HNF4G: variants seen among roughly 807,000 people sequenced by gnomAD.
HNF4G encodes the protein hepatocyte nuclear factor 4-gamma.
Under a neutral mutation model 50.9 loss-of-function variants are expected in HNF4G, and 21 were observed. The ratio of observed to expected loss-of-function variants is 0.41; its 90% CI spans 0.29 to 0.59. HNF4G has a LOEUF of 0.59. Ranked by LOEUF, HNF4G falls within the 20% of genes least tolerant of loss-of-function variation. The pLI, the probability that HNF4G is intolerant of heterozygous loss-of-function variation, is 0.26. For missense variants in HNF4G, 527 were observed against 559.4 expected (o/e 0.94, Z 0.58); for synonymous variants, 198 against 185.6 (o/e 1.07, Z -0.54).
intron 1 of HNF4G, among the ~76,000 whole-genome samples, chr8:75,427,416 A>G (rs1283037109): frequency 6.6e-6 from 1 of 152,016 alleles, no homozygotes; most frequent in Admixed American, 6.6e-5. Flanking sequence ...AGTCTCTACT[A>G]AAAATACAAA....
At chr8:75,418,927 A>C (rs1052782115) in intron 1 of HNF4G, among the ~76,000 whole-genome samples, 1 of 151,588 alleles carries the variant, frequency 6.6e-6, no homozygotes, top group Non-Finnish European at 1.5e-5. Context: ...GGTTTTCTCC[A>C]TGTTGGCCAC....
chr8:75,531,201 A>C (rs1264987592), intron 2 of HNF4G, among the ~76,000 whole-genome samples: 1 of 152,216 alleles, frequency 6.6e-6, no homozygotes, highest in Non-Finnish European at 1.5e-5. Flanking sequence ...GTAGTAAAGG[A>C]ATAAAGAAAA....
At chr8:75,443,064 T>C (rs1330311507) in intron 1 of HNF4G, among the ~76,000 whole-genome samples, 3 of 152,170 alleles carry the variant, frequency 2.0e-5, no homozygotes. Context: ...CTGAGGGCTC[T>C]GCCTTCGAGA....
At chr8:75,544,056 T>C in intron 2 of HNF4G, 77 bp downstream of exon 2, 1 of 1,312,790 alleles carries the variant, frequency 7.6e-7, no homozygotes, top group South Asian at 1.5e-5. Flanking sequence ...GAGAAGAAAA[T>C]TCAGAGTTTT....
intron 2 of HNF4G, among the ~76,000 whole-genome samples, chr8:75,492,784 A>G (rs913191627): frequency 9.9e-5 from 15 of 152,242 alleles, no homozygotes; most frequent in Admixed American, 3.3e-4. Flanking sequence ...CCACTCAAGG[A>G]AGGCCAGAAA....
At chr8:75,492,671 G>A (rs546701723) in intron 2 of HNF4G, among the ~76,000 whole-genome samples, 7 of 152,182 alleles carry the variant, frequency 4.6e-5, no homozygotes, top group Admixed American at 4.6e-4. Context: ...AAGCCTAGAG[G>A]GGGTTACAAT....
chr8:75,531,973 TA>T (rs1806339389), intron 2 of HNF4G, among the ~76,000 whole-genome samples: 1 of 152,122 alleles, frequency 6.6e-6, no homozygotes, highest in African/African-American at 2.4e-5. Flanking sequence ...ATTCTGTTTT[TA>T]TTATAATGGC....
At chr8:75,480,658 A>G (rs1339804053) in intron 1 of HNF4G, among the ~76,000 whole-genome samples, 1 of 151,984 alleles carries the variant, frequency 6.6e-6, no homozygotes. Flanking sequence ...TTCATTTTCA[A>G]TCCTAATGAC....
intron 2 of HNF4G, among the ~76,000 whole-genome samples, chr8:75,505,361 G>C (rs187677931): frequency 6.6e-6 from 1 of 152,100 alleles, no homozygotes; most frequent in African/African-American, 2.4e-5. Context: ...TCCATTTCTT[G>C]CCTCTAGATA....
chr8:75,458,263 G>A lies in HNF4G; in HGVS notation c.-143-31826G>A, dbSNP rs372331508. On this transcript the variant is annotated intron_variant, in intron 1 of 10. Transcript: ENST00000354370. ...TAGATAAGAGAGGGTTAAATACCCC[G>A]TCTTGGATTAAGAATAAGAGGAAAA... Among the ~76,000 whole-genome samples, 198 of 151,804 alleles carry A rather than the reference G, an allele frequency of 1.3e-3. 7 individuals carry two copies. The South Asian group carries it at 0.03, about 23-fold the overall frequency.
At chr8:75,522,065 A>G (rs765271183) in intron 2 of HNF4G, among the ~76,000 whole-genome samples, 3 of 152,232 alleles carry the variant, frequency 2.0e-5, no homozygotes, top group Admixed American at 6.5e-5. Context: ...AAGTCAAGGA[A>G]CATTTGTACT....
intron 1 of HNF4G, among the ~76,000 whole-genome samples, chr8:75,413,685 A>G (rs1810559992): frequency 1.3e-5 from 2 of 151,824 alleles, no homozygotes; most frequent in Admixed American, 1.3e-4. Context: ...CTTGGTCAAC[A>G]TGATGAAACC....
At chr8:75,529,474 A>G (rs1806272086) in intron 2 of HNF4G, among the ~76,000 whole-genome samples, 1 of 152,164 alleles carries the variant, frequency 6.6e-6, no homozygotes, top group African/African-American at 2.4e-5. Flanking sequence ...AATGGGATAT[A>G]TCTTTATTCT....
intron 2 of HNF4G, among the ~76,000 whole-genome samples, chr8:75,508,847 T>C (rs1169678210): frequency 2.6e-5 from 4 of 152,228 alleles, no homozygotes; most frequent in African/African-American, 4.8e-5. Flanking sequence ...AAGTGTCTTG[T>C]AATCCATGTG....
At chr8:75,472,725 G>A (rs369742676) in intron 1 of HNF4G, among the ~76,000 whole-genome samples, 5 of 152,066 alleles carry the variant, frequency 3.3e-5, no homozygotes, top group Non-Finnish European at 4.4e-5. Flanking sequence ...AAGAAGAGAC[G>A]GGCATGGATG....
chr8:75,430,341 T>C (rs1263767932), intron 1 of HNF4G, among the ~76,000 whole-genome samples: 1 of 152,128 alleles, frequency 6.6e-6, no homozygotes, highest in Non-Finnish European at 1.5e-5. Context: ...AGACCATTTT[T>C]TGTAAACAAA....
intron 1 of HNF4G, among the ~76,000 whole-genome samples, chr8:75,475,432 GTA>G (rs143721690): frequency 0.021 from 3,204 of 152,316 alleles, 106 homozygotes; most frequent in East Asian, 0.15. Flanking sequence ...GAGCACATGT[GTA>G]TATGAGTCTA....
chr8:75,464,257 T>G (rs1350690), intron 1 of HNF4G, among the ~76,000 whole-genome samples: 121,791 of 151,194 alleles, frequency 0.81, 49,859 homozygotes, highest in African/African-American at 0.95. Context: ...TAACTCAATT[T>G]TTTGAAATCA....
intron 1 of HNF4G, among the ~76,000 whole-genome samples, chr8:75,428,928 G>A (rs941314282): frequency 7.9e-5 from 12 of 152,226 alleles, no homozygotes; most frequent in Admixed American, 3.9e-4. Flanking sequence ...AGTAGATACG[G>A]GAAGACCAGT....
Sources: gnomAD v4.1 joint callset for allele counts (sites outside exome capture counted in the v4.1 genomes callset) on GRCh38, gnomAD v4.1.1 for gene constraint, MANE v1.5 for transcripts, NCBI Gene and HGNC (gene_info 2026-07-23, HGNC 2026-07-21) for gene names.